The following MEI1 variants were observed in gnomAD, a reference collection of about 807,000 sequenced individuals.
MEI1 encodes the protein meiotic double-stranded break formation protein 1.
In MEI1, 103 loss-of-function variants were observed where a neutral mutation model predicts 146.2. The observed-to-expected ratio is 0.70, with a 90% confidence interval of 0.60 to 0.83. The LOEUF is 0.83. MEI1 is among the 40% of genes least tolerant of loss of function. The pLI is 0.00. For missense variants in MEI1, 1,529 were observed against 1,533.0 expected, an observed-to-expected ratio of 1.00 and a Z score of 0.04; for synonymous variants, 652 against 628.2, an observed-to-expected ratio of 1.04 and a Z score of -0.57.
At chr22:41,785,549 A>G (rs912757364) in intron 26 of MEI1, among the ~76,000 whole-genome samples, 1 of 151,744 alleles carries the variant, frequency 6.6e-6, no homozygotes, top group African/African-American at 2.4e-5. Flanking sequence ...GGTGTGAGCC[A>G]CTGCACCTGG....
Position 41,699,535 on chromosome 22 carries a change from G to A in MEI1, c.-4G>A. The A allele has an allele frequency of 6.2e-7, 1 of 1,609,946 alleles. No homozygotes were observed. Among genetic ancestry groups the A allele is most frequent in the Non-Finnish European group, 8.5e-7 (1 of 1,178,068 alleles). On this transcript the variant is annotated 5_prime_UTR_variant, in exon 1 of 31. Coordinates refer to ENST00000401548, the MANE Select transcript of MEI1 (RefSeq NM_152513.4). Reference sequence around the variant, plus strand: ...TGCCGCCTCAGCTGAGGGCAAGCGAGGAGATGGCTGTGAGGCAGGCGGCGA... The same window carrying A: ...TGCCGCCTCAGCTGAGGGCAAGCGAAGAGATGGCTGTGAGGCAGGCGGCGA...
At position 41,761,560 on chromosome 22, in the gene MEI1, C is replaced by T. The variant is rs187474680; in HGVS notation, c.2121-1614C>T. Among the ~76,000 whole-genome samples, 844 of 152,078 alleles carry T rather than the reference C, an allele frequency of 5.5e-3. 7 individuals are homozygous for T. The highest frequency in any genetic ancestry group is 0.019 in the African/African-American group (806 of 41,524). ...GGATCTCCTGACCTCGTGATCTGCCCGCCTCGGCCTCCCAAAGTGCTGGGA... is the reference window on the plus strand; with the variant it reads ...GGATCTCCTGACCTCGTGATCTGCCTGCCTCGGCCTCCCAAAGTGCTGGGA... On this transcript the variant is annotated intron_variant, in intron 18 of 30. Transcript: ENST00000401548.
intron 19 of MEI1, among the ~76,000 whole-genome samples, chr22:41,769,825 T>G (rs2075068628): frequency 1.3e-5 from 2 of 151,732 alleles, no homozygotes; most frequent in South Asian, 4.2e-4. Context: ...AGAGGTAGGT[T>G]TGTGAGGAGT....
Position 41,795,947 on chromosome 22 carries a change from CCT to C in MEI1, c.3779+106_3779+107del, listed in dbSNP as rs766089023. 288 of 1,611,922 alleles carry C rather than the reference CCT, an allele frequency of 1.8e-4. No individual in the cohort carries two copies. The highest frequency in any genetic ancestry group is 2.1e-4 in the Non-Finnish European group (253 of 1,179,630). On this transcript the variant is annotated intron_variant, in intron 30 of 30. Transcript: ENST00000401548. The surrounding 1 kb of genome is among the most constrained non-coding windows in gnomAD (Gnocchi z 4.2). The stretch of plus-strand genomic sequence containing the variant: ...TTATGCGGTACCGGAGTAGCAGTGT[CCT>C]CTCTCATGAAGAGGTGGGTGATGTT...
Position 41,699,575 on chromosome 22 carries a change from G to C in MEI1, c.37G>C (p.Gly13Arg), listed in dbSNP as rs377011126. ...VRQAATAGTP[G>R]PRREEEAALL... The stretch of plus-strand genomic sequence containing the variant: ...GCAGGCGGCGACGGCGGGCACTCCC[G>C]GGCCCAGGAGAGAGGAAGAGGCGGC... The change falls in exon 1 of 31, where the codon GGG becomes CGG. Residue 13 changes from glycine to arginine, a missense_variant. Gly to Arg is a moderately radical substitution (Grantham distance 125, BLOSUM62 -2). This residue lies in a region of MEI1 where 1,212 missense variants were observed against 1,178.9 expected (regional missense o/e 1.03). Coordinates refer to ENST00000401548, the MANE Select transcript of MEI1 (RefSeq NM_152513.4). 1.2e-6 allele frequency: 2 copies of C among 1,612,540 alleles called. No homozygotes were observed. Among genetic ancestry groups the C allele is most frequent in the Admixed American group, 1.7e-5 (1 of 59,962 alleles).
Position 41,703,376 on chromosome 22 carries a change from G to A in MEI1, c.220G>A (p.Val74Met). ...GTTGTCCTGCTTCCAAGATGCCCTTGTGAGGCATACCTCCCTGGTCACGCA... is the reference window on the plus strand; with the variant it reads ...GTTGTCCTGCTTCCAAGATGCCCTTATGAGGCATACCTCCCTGGTCACGCA... ...HMLSCFQDALVRHTSLVTQLV... is the reference protein window; with the variant it reads ...HMLSCFQDALMRHTSLVTQLV... Residue 74 changes from valine (V) to methionine (M), a missense_variant, in exon 2 of 31, where the codon GTG (valine) becomes ATG (methionine). Coordinates refer to ENST00000401548, the MANE Select transcript of MEI1 (RefSeq NM_152513.4). The A allele has an allele frequency of 6.2e-7, 1 of 1,612,306 alleles. No individual in the cohort carries two copies. The highest frequency in any genetic ancestry group is 1.1e-5 in the South Asian group (1 of 90,610).
intron 3 of MEI1, among the ~76,000 whole-genome samples, chr22:41,712,664 A>G (rs996553805): frequency 2.6e-4 from 26 of 99,340 alleles, no homozygotes; most frequent in Non-Finnish European, 4.5e-4. Context: ...ATATTTAAAT[A>G]GAAATAGATG....
intron 11 of MEI1, among the ~76,000 whole-genome samples, chr22:41,742,127 GTGTGCGCC>G (rs2072929166): frequency 6.6e-6 from 1 of 151,998 alleles, no homozygotes; most frequent in Non-Finnish European, 1.5e-5. Flanking sequence ...GGGTGTAGTG[GTGTGCGCC>G]TGTAGTCCCA....
At chr22:41,763,113 T>G (rs1232836290) in intron 18 of MEI1, 61 bp from the exon 19 acceptor site, 2 of 1,586,108 alleles carry the variant, frequency 1.3e-6, no homozygotes, top group East Asian at 2.2e-5. Flanking sequence ...CCAGGCAGAA[T>G]AGAAGAGCCC....
chr22:41,769,995 A>G lies in MEI1; in HGVS notation c.2269-691A>G, dbSNP rs568022906. On this transcript the variant is annotated intron_variant, in intron 19 of 30. Transcript: ENST00000401548. ...ACTAAAAATACAAAATTAGCCGGGC[A>G]TGGTGGCACATGCCTGTAATCCCAG... Among the ~76,000 whole-genome samples the G allele has an allele frequency of 6.9e-3, 1,044 of 151,730 alleles. 7 individuals carry two copies. Among genetic ancestry groups the G allele is most frequent in the Non-Finnish European group, 0.011 (745 of 67,884 alleles).
intron 19 of MEI1, among the ~76,000 whole-genome samples, chr22:41,769,634 G>A (rs1011014111): frequency 2.0e-5 from 3 of 151,452 alleles, no homozygotes; most frequent in South Asian, 2.1e-4. Flanking sequence ...CATTATGCCC[G>A]GCAAATTTTT....
At chr22:41,778,437 G>C (rs955760188) in intron 21 of MEI1, among the ~76,000 whole-genome samples, 9 of 152,204 alleles carry the variant, frequency 5.9e-5, no homozygotes, top group Admixed American at 5.2e-4. Context: ...GTGCAAAATA[G>C]GAATAACAAT....
intron 7 of MEI1, among the ~76,000 whole-genome samples, chr22:41,726,436 TAAAC>T (rs1033171066): frequency 2.6e-5 from 4 of 152,102 alleles, no homozygotes; most frequent in Admixed American, 6.6e-5. Flanking sequence ...CATATGTACT[TAAAC>T]AACAACAGGG....
In MEI1 at chr22:41,741,903, C is replaced by T. The variant is rs146298771; in HGVS notation, c.1332-1177C>T. On this transcript the variant is annotated intron_variant, in intron 11 of 30. Transcript: ENST00000401548. ...AGGTTGCAGTGAGCTTAGATTGCGC[C>T]ACTGTACCCCAGCCTGGTGACAGAG... 1.4e-3 allele frequency among the ~76,000 whole-genome samples: 198 copies of T among 146,170 alleles called. 1 individual carries two copies. Among genetic ancestry groups the T allele is most frequent in the African/African-American group, 5.0e-3 (189 of 37,962 alleles).
chr22:41,705,585 A>G, intron 3 of MEI1, 31 bp downstream of exon 3: 2 of 1,590,662 alleles, frequency 1.3e-6, no homozygotes, highest in Middle Eastern at 1.7e-4. Context: ...TAGCACTTGA[A>G]GATGAAAGTA....
intron 11 of MEI1, among the ~76,000 whole-genome samples, chr22:41,742,076 A>T (rs139229599): frequency 1.3e-5 from 2 of 151,436 alleles, no homozygotes; most frequent in African/African-American, 4.9e-5. Flanking sequence ...CCTGGCCAAC[A>T]TGGTGAAATC....
chr22:41,725,738 T>C (rs2071275705), intron 7 of MEI1, among the ~76,000 whole-genome samples: 2 of 152,230 alleles, frequency 1.3e-5, no homozygotes, highest in South Asian at 4.1e-4. Context: ...TTCAAGCCTA[T>C]AGGGCTCCCC....
intron 27 of MEI1, 151 bp downstream of exon 27, chr22:41,794,061 C>CCTTG: frequency 1.3e-6 from 1 of 760,690 alleles, no homozygotes; most frequent in Non-Finnish European, 2.2e-6. Flanking sequence ...GCAGTCATGC[C>CCTTG]CATTATACAG....
At chr22:41,722,645 A>G (rs1207040033) in intron 6 of MEI1, among the ~76,000 whole-genome samples, 1 of 151,814 alleles carries the variant, frequency 6.6e-6, no homozygotes, top group Non-Finnish European at 1.5e-5. Flanking sequence ...TCCTGCCTTT[A>G]TATATTCCTC....
Sources: allele counts gnomAD v4.1 joint callset (sites outside exome capture counted in the v4.1 genomes callset), GRCh38; gene constraint gnomAD v4.1.1; regional missense constraint gnomAD v4.1.1; non-coding constraint Gnocchi (gnomAD v3.1); transcripts MANE v1.5; gene names NCBI Gene and HGNC (gene_info 2026-07-23, HGNC 2026-07-21).